HIVEP3: variants seen among roughly 807,000 people sequenced by gnomAD.
HIVEP3 encodes HIVEP zinc finger 3, also known as transcription factor HIVEP3.
Under a neutral mutation model 152.8 loss-of-function variants are expected in HIVEP3, and 49 were observed. That is an observed-to-expected ratio of 0.32 (90% CI 0.26 to 0.41). The LOEUF (loss-of-function observed/expected upper bound fraction) is 0.41. Ranked by LOEUF, HIVEP3 falls within the 10% of genes least tolerant of loss-of-function variation. The pLI is 1.00. For missense variants in HIVEP3, 2,790 were observed against 3,103.3 expected (o/e 0.90, Z 2.40); for synonymous variants, 1,269 against 1,289.0 (o/e 0.98, Z 0.33).
At chr1:41,732,520 A>G (rs1646857153) in intron 1 of HIVEP3, among the ~76,000 whole-genome samples, 1 of 152,072 alleles carries the variant, frequency 6.6e-6, no homozygotes. Context: ...CTGGTACTAT[A>G]GGAGCATAGA....
intron 1 of HIVEP3, among the ~76,000 whole-genome samples, chr1:41,855,743 T>C (rs985993616): frequency 2.0e-5 from 3 of 152,162 alleles, no homozygotes; most frequent in Non-Finnish European, 2.9e-5. Flanking sequence ...GAAACGGCAC[T>C]AGGGTCACAA....
At chr1:41,949,882 G>A (rs969247734) in intron 1 of HIVEP3, among the ~76,000 whole-genome samples, 6 of 152,100 alleles carry the variant, frequency 3.9e-5, no homozygotes, top group African/African-American at 1.4e-4. Flanking sequence ...CCCCTCCTGA[G>A]GAAATCTCAA....
intron 1 of HIVEP3, among the ~76,000 whole-genome samples, chr1:41,980,011 G>A (rs1368369951): frequency 2.0e-5 from 3 of 152,204 alleles, no homozygotes; most frequent in African/African-American, 4.8e-5. Flanking sequence ...TAGCAAAGAA[G>A]CAAGGCAGGG....
At chr1:41,914,725 C>T (rs562691010) in intron 1 of HIVEP3, among the ~76,000 whole-genome samples, 5 of 152,168 alleles carry the variant, frequency 3.3e-5, no homozygotes, top group Non-Finnish European at 4.4e-5. Flanking sequence ...GCCATGACAG[C>T]TTGAACAACA....
chr1:41,647,876 T>C (rs1645485255), intron 2 of HIVEP3, among the ~76,000 whole-genome samples: 1 of 152,200 alleles, frequency 6.6e-6, no homozygotes, highest in African/African-American at 2.4e-5. Context: ...TCTGGCCCCC[T>C]CCTTGGGCCT....
rs1478902682 is a variant in HIVEP3, at chr1:41,508,534, G to T, written c.*1917C>A. The T allele has an allele frequency of 6.6e-6, 1 of 152,258 alleles. No individual in the cohort carries two copies. The highest frequency in any genetic ancestry group is 1.5e-5 in the Non-Finnish European group (1 of 68,060). The allele number at this position is 152,258 out of a possible 1,614,324, so 9.4% of individuals were successfully genotyped here. A position where few individuals can be genotyped will look rare whatever the true frequency, so the allele number is the denominator to read the frequency against. On this transcript the variant is annotated 3_prime_UTR_variant, in exon 9 of 9. Transcript: ENST00000372583. The stretch of plus-strand genomic sequence containing the variant: ...CCCTGGAGCACAGTGGACTCCCAGG[G>T]AGCCCTGCCTTCTGTCTCATTTTTG...
intron 3 of HIVEP3, among the ~76,000 whole-genome samples, chr1:41,602,681 ACT>A (rs757484399): frequency 7.2e-5 from 11 of 151,836 alleles, no homozygotes; most frequent in Non-Finnish European, 1.6e-4. Context: ...CAAAAAACCA[ACT>A]CTTAGTTTCA....
At chr1:41,859,238 C>A (rs1643852715) in intron 1 of HIVEP3, among the ~76,000 whole-genome samples, 1 of 152,106 alleles carries the variant, frequency 6.6e-6, no homozygotes, top group African/African-American at 2.4e-5. Flanking sequence ...TTCTACCCTG[C>A]CGAACCAGAG....
intron 1 of HIVEP3, among the ~76,000 whole-genome samples, chr1:41,977,520 C>T (rs1406405552): frequency 1.3e-5 from 2 of 152,192 alleles, no homozygotes; most frequent in Non-Finnish European, 2.9e-5. Context: ...TCACATCCCC[C>T]CATCTCTCCT....
intron 1 of HIVEP3, among the ~76,000 whole-genome samples, chr1:42,006,178 A>G (rs1173654942): frequency 6.6e-6 from 1 of 152,146 alleles, no homozygotes; most frequent in South Asian, 2.1e-4. Context: ...ATGACAGAAG[A>G]CCAAGCTAAA....
intron 1 of HIVEP3, among the ~76,000 whole-genome samples, chr1:42,012,465 C>T (rs1157448890): frequency 6.6e-6 from 1 of 151,960 alleles, no homozygotes; most frequent in East Asian, 1.9e-4. Flanking sequence ...CCTAGGTGGG[C>T]GGATCATTTG....
chr1:41,802,162 A>C (rs895288078), intron 1 of HIVEP3, among the ~76,000 whole-genome samples: 1 of 152,220 alleles, frequency 6.6e-6, no homozygotes, highest in Admixed American at 6.5e-5. Context: ...AGAAACCACT[A>C]GTTAAGTAAC....
intron 1 of HIVEP3, among the ~76,000 whole-genome samples, chr1:41,884,510 G>A (rs1644313567): frequency 6.6e-6 from 1 of 152,164 alleles, no homozygotes; most frequent in South Asian, 2.1e-4. Flanking sequence ...GCGGACATCA[G>A]GGGTTTGCAA....
chr1:41,516,260 G>C (rs566707973), intron 7 of HIVEP3, among the ~76,000 whole-genome samples: 27 of 149,404 alleles, frequency 1.8e-4, no homozygotes, highest in Admixed American at 1.4e-3. Flanking sequence ...GCCGCTGGGA[G>C]AGGCCACACG....
chr1:41,876,408 C>T (rs976348082), intron 1 of HIVEP3, among the ~76,000 whole-genome samples: 4 of 152,150 alleles, frequency 2.6e-5, no homozygotes, highest in Admixed American at 2.6e-4. Context: ...GTTGCTTAAA[C>T]TCTCTGTGCC....
At chr1:41,731,239 G>C (rs1454900229) in intron 1 of HIVEP3, among the ~76,000 whole-genome samples, 1 of 152,078 alleles carries the variant, frequency 6.6e-6, no homozygotes, top group African/African-American at 2.4e-5. Flanking sequence ...CTAATACTGA[G>C]GATTCTCCTT....
At chr1:41,626,792 T>C (rs575636399) in intron 3 of HIVEP3, among the ~76,000 whole-genome samples, 39 of 152,254 alleles carry the variant, frequency 2.6e-4, no homozygotes, top group East Asian at 1.9e-3. Context: ...GATCGATTCC[T>C]ATGAACATGT....
intron 1 of HIVEP3, among the ~76,000 whole-genome samples, chr1:41,765,079 T>C (rs1480211861): frequency 6.6e-6 from 1 of 152,220 alleles, no homozygotes; most frequent in Non-Finnish European, 1.5e-5. Flanking sequence ...GCAATCTCTT[T>C]TATTCTTGCC....
At chr1:41,650,843 A>G (rs1255343468) in intron 2 of HIVEP3, among the ~76,000 whole-genome samples, 2 of 152,218 alleles carry the variant, frequency 1.3e-5, no homozygotes, top group African/African-American at 4.8e-5. Context: ...TAAGACCTGA[A>G]GGATCATTTC....
Sources: allele counts gnomAD v4.1 joint callset (sites outside exome capture counted in the v4.1 genomes callset), GRCh38; gene constraint gnomAD v4.1.1; transcripts MANE v1.5; gene names NCBI Gene and HGNC (gene_info 2026-07-23, HGNC 2026-07-21).